Variants in RPS6KA2 observed in about 807,000 individuals in gnomAD.
RPS6KA2 encodes ribosomal protein S6 kinase A2, also known as ribosomal protein S6 kinase alpha-2.
A neutral mutation model predicts 91.8 loss-of-function variants in RPS6KA2; 42 were observed. That is an observed-to-expected ratio of 0.46 (90% CI 0.36 to 0.59). RPS6KA2 has a LOEUF of 0.59. RPS6KA2 is among the 20% of genes least tolerant of loss of function. RPS6KA2 has a pLI of 0.00. For missense variants in RPS6KA2, 798 were observed against 978.5 expected (o/e 0.82, Z 2.46); for synonymous variants, 414 against 393.6 (o/e 1.05, Z -0.61).
At chr6:166,529,427 G>T (rs1012037892) in intron 3 of RPS6KA2, among the ~76,000 whole-genome samples, 2 of 152,120 alleles carry the variant, frequency 1.3e-5, no homozygotes, top group Non-Finnish European at 2.9e-5. Context: ...GTGGTGGGGT[G>T]GAGGGATGGG....
chr6:166,478,175 G>C (rs1781050827), intron 10 of RPS6KA2, among the ~76,000 whole-genome samples: 1 of 152,216 alleles, frequency 6.6e-6, no homozygotes, highest in South Asian at 2.1e-4. Flanking sequence ...CACCTCAGAG[G>C]GAGTGGCAGA....
chr6:166,851,534 A>G (rs59054424), intron 2 of RPS6KA2, among the ~76,000 whole-genome samples: 6,715 of 152,234 alleles, frequency 0.044, 672 homozygotes, highest in East Asian at 0.4. Context: ...AAGCCCCCAC[A>G]GGCCATTTGC....
chr6:166,581,319 A>G (rs938337548), intron 1 of RPS6KA2, among the ~76,000 whole-genome samples: 1 of 152,184 alleles, frequency 6.6e-6, no homozygotes, highest in Non-Finnish European at 1.5e-5. Context: ...CTCAGGGCCT[A>G]TGCGGAGAAT....
At chr6:166,729,344 T>C (rs529998273) in intron 2 of RPS6KA2, among the ~76,000 whole-genome samples, 1 of 152,282 alleles carries the variant, frequency 6.6e-6, no homozygotes, top group South Asian at 2.1e-4. Flanking sequence ...GCTCAGGATG[T>C]TATTTCTTTC....
At chr6:166,517,465 T>TG (rs1782692697) in intron 3 of RPS6KA2, among the ~76,000 whole-genome samples, 1 of 55,358 alleles carries the variant, frequency 1.8e-5, no homozygotes. Context: ...GTTTTTTTTT[T>TG]TTTTTTTTTT....
In RPS6KA2 at chr6:166,639,059, T is replaced by C. The variant is rs1787339699; in HGVS notation, c.124-100275A>G. 6.6e-6 allele frequency among the ~76,000 whole-genome samples: 1 copy of C among 152,166 alleles called. No homozygotes were observed. On this transcript the variant is annotated intron_variant, in intron 2 of 21. Coordinates refer to the RPS6KA2 transcript ENST00000503859. The surrounding 1 kb of genome is among the most constrained non-coding windows in gnomAD (Gnocchi z 4.2). ...CAGCAATTTCATGCAGTTAAACCAA[T>C]ATGTGGAAGGGCTTTATAAATCATA... is the stretch of plus-strand genomic sequence containing the variant.
chr6:166,452,220 C>G (rs932143843), intron 12 of RPS6KA2, among the ~76,000 whole-genome samples: 15 of 152,108 alleles, frequency 9.9e-5, no homozygotes, highest in African/African-American at 3.4e-4. Context: ...GGAAAGTCAA[C>G]TGGCAACATT....
chr6:166,615,759 C>G (rs1017557177), intron 1 of RPS6KA2, among the ~76,000 whole-genome samples: 1 of 152,192 alleles, frequency 6.6e-6, no homozygotes, highest in African/African-American at 2.4e-5. Flanking sequence ...TCTTGAACAT[C>G]AGAGAGGGAG....
At chr6:166,723,246 C>A (rs1028249210) in intron 2 of RPS6KA2, among the ~76,000 whole-genome samples, 2 of 152,246 alleles carry the variant, frequency 1.3e-5, no homozygotes, top group African/African-American at 2.4e-5. Flanking sequence ...TCAAGTCCCC[C>A]CTTCTGGAAA....
At chr6:166,734,958 AAAG>A (rs1790636348) in intron 2 of RPS6KA2, among the ~76,000 whole-genome samples, 1 of 152,236 alleles carries the variant, frequency 6.6e-6, no homozygotes, top group Non-Finnish European at 1.5e-5. Flanking sequence ...ATTCAGTCAG[AAAG>A]AAGTCTCAGT....
chr6:166,669,546 T>C lies in RPS6KA2; in HGVS notation c.124-130762A>G, dbSNP rs1456803075. The stretch of plus-strand genomic sequence containing the variant: ...ATGGCTCCAAAGAGTCTCCCTTGAG[T>C]GCTGGAATTGCACGGGGCCCAGCAC... On this transcript the variant is annotated intron_variant, in intron 2 of 21. Transcript: ENST00000503859. 4.3e-4 allele frequency among the ~76,000 whole-genome samples: 65 copies of C among 152,068 alleles called. 1 individual carries two copies. Among genetic ancestry groups the C allele is most frequent in the Non-Finnish European group, 1.5e-4 (10 of 67,996 alleles).
rs1310942346 is a variant in RPS6KA2, at chr6:166,767,075, G to A, written c.123+91125C>T. Among the ~76,000 whole-genome samples, 1 of 152,176 alleles carries A rather than the reference G, an allele frequency of 6.6e-6. No homozygotes were observed. Among genetic ancestry groups the A allele is most frequent in the Non-Finnish European group, 1.5e-5 (1 of 68,042 alleles). On this transcript the variant is annotated intron_variant, in intron 2 of 21. Transcript: ENST00000503859. This position sits in a 1 kb window ranked among gnomAD's most constrained non-coding sequence, Gnocchi z 4.6. ...TGAATGAAGGTCCCTTCCTTACCTGGGGGCTGCCCTAGCAAAGAGGAAGGG... is the reference window on the plus strand; with the variant it reads ...TGAATGAAGGTCCCTTCCTTACCTGAGGGCTGCCCTAGCAAAGAGGAAGGG...
In RPS6KA2 at chr6:166,593,656, C is replaced by T. The variant is rs9459699; in HGVS notation, c.99+33265G>A. 5.9e-3 allele frequency among the ~76,000 whole-genome samples: 878 copies of T among 148,672 alleles called. 13 individuals carry two copies. The highest frequency in any genetic ancestry group is 0.02 in the African/African-American group (834 of 40,936). On this transcript the variant is annotated intron_variant, in intron 1 of 20. Coordinates refer to ENST00000265678, the MANE Select transcript of RPS6KA2 (RefSeq NM_021135.6). ...AAAAATGTAAACACAAACTGGTTTT[C>T]GGAAAAAAAAAACTTGCAAAAGGCA...
chr6:166,518,490 A>G (rs1188981609), intron 3 of RPS6KA2, among the ~76,000 whole-genome samples: 1 of 152,188 alleles, frequency 6.6e-6, no homozygotes, highest in Non-Finnish European at 1.5e-5. Flanking sequence ...CAAAATAAAT[A>G]CAATACCCAA....
chr6:166,771,020 GC>G (rs1778457168), intron 2 of RPS6KA2: 7 of 879,648 alleles, frequency 8.0e-6, no homozygotes, highest in Non-Finnish European at 8.5e-6. Flanking sequence ...AGGCCTGTGA[GC>G]TTTTTGTTTC....
At chr6:166,479,146 C>A (rs915622870) in intron 10 of RPS6KA2, among the ~76,000 whole-genome samples, 2 of 152,226 alleles carry the variant, frequency 1.3e-5, no homozygotes, top group Non-Finnish European at 2.9e-5. Flanking sequence ...TCTGCCCTGG[C>A]TGCAGGCATT....
intron 2 of RPS6KA2, among the ~76,000 whole-genome samples, chr6:166,672,742 A>G (rs1032482163): frequency 3.3e-5 from 5 of 152,228 alleles, no homozygotes; most frequent in Admixed American, 1.3e-4. Context: ...GCAGTTGAGG[A>G]TGCCACCATC....
chr6:166,546,151 C>T (rs1339496760), intron 1 of RPS6KA2, among the ~76,000 whole-genome samples: 1 of 152,172 alleles, frequency 6.6e-6, no homozygotes, highest in Non-Finnish European at 1.5e-5. Flanking sequence ...TCATTACTAG[C>T]ATCGGGGAAT....
intron 3 of RPS6KA2, among the ~76,000 whole-genome samples, chr6:166,512,211 C>G (rs897929751): frequency 6.6e-6 from 1 of 152,104 alleles, no homozygotes; most frequent in Non-Finnish European, 1.5e-5. Flanking sequence ...GTGAAATAAG[C>G]CAGACACAAG....
Sources: allele counts gnomAD v4.1 joint callset (sites outside exome capture counted in the v4.1 genomes callset), GRCh38; gene constraint gnomAD v4.1.1; non-coding constraint Gnocchi (gnomAD v3.1); transcripts MANE v1.5; gene names NCBI Gene and HGNC (gene_info 2026-07-23, HGNC 2026-07-21).